Variants in FKBP5 observed in about 807,000 individuals in gnomAD.
The protein encoded by FKBP5 is FKBP prolyl isomerase 5.
In FKBP5, 23 loss-of-function variants were observed where a neutral mutation model predicts 50.5. The ratio of observed to expected loss-of-function variants is 0.46; its 90% confidence interval spans 0.33 to 0.65. The LOEUF (loss-of-function observed/expected upper bound fraction) is 0.65, where lower values mean the gene tolerates loss of function less well. Among genes scored for constraint, FKBP5 ranks in the 30% least tolerant of loss-of-function variants. The probability of loss-of-function intolerance (pLI) is 0.02; values close to 1 mark genes in which losing one functional copy is unlikely to be tolerated. For synonymous variants in FKBP5, 176 were observed against 190.6 expected, an observed-to-expected ratio of 0.92 and a Z score of 0.63; for missense variants, 411 against 553.1, an observed-to-expected ratio of 0.74 and a Z score of 2.58.
rs34301531 is a variant in FKBP5 at position 35,615,155 on chromosome 6, T to TACACACACACACACACAC, written c.508+3923_508+3940dup. ...CAACAACAACAACAACAACAACAACTACACACACACACACACACACACACA... is the reference window on the plus strand; with the variant it reads ...CAACAACAACAACAACAACAACAACTACACACACACACACACACACACACACACACACACACACACACA... On this transcript the variant is annotated intron_variant, in intron 5 of 10. Coordinates refer to ENST00000357266, the MANE Select transcript of FKBP5 (RefSeq NM_004117.4). 5.6e-5 allele frequency among the ~76,000 whole-genome samples: 8 copies of TACACACACACACACACAC among 143,542 alleles called. No homozygotes were observed. The East Asian group carries it at 6.2e-4, about 11-fold the overall frequency. The allele number at this position is 143,542 out of a possible 152,430, so 94.2% of individuals were successfully genotyped here.
intron 1 of FKBP5, among the ~76,000 whole-genome samples, chr6:35,681,144 T>G (rs887104605): frequency 2.0e-5 from 3 of 152,248 alleles, no homozygotes; most frequent in Non-Finnish European, 4.4e-5. Flanking sequence ...CATCCTCATT[T>G]TCAACACTTT....
At chr6:35,631,191 C>A (rs1764142236) in intron 3 of FKBP5, among the ~76,000 whole-genome samples, 1 of 152,082 alleles carries the variant, frequency 6.6e-6, no homozygotes, top group Non-Finnish European at 1.5e-5. Context: ...CTGAATAGCC[C>A]CAAATTGCAA....
chr6:35,580,471 G>T, intron 8 of FKBP5: 1 of 331,220 alleles, frequency 3.0e-6, no homozygotes, highest in East Asian at 4.8e-5. Flanking sequence ...CCCTTCAGCA[G>T]GTGTAGTACA....
intron 3 of FKBP5, among the ~76,000 whole-genome samples, chr6:35,633,716 T>C (rs961960505): frequency 6.6e-6 from 1 of 152,134 alleles, no homozygotes; most frequent in East Asian, 1.9e-4. Context: ...AAGGGTCTCT[T>C]TGTGTTGGTA....
intron 1 of FKBP5, among the ~76,000 whole-genome samples, chr6:35,650,577 G>A (rs915059093): frequency 6.6e-6 from 1 of 152,048 alleles, no homozygotes; most frequent in Non-Finnish European, 1.5e-5. Flanking sequence ...AGGTTCAAAT[G>A]ATACTCCTGC....
chr6:35,614,974 A>G (rs1763599693), intron 5 of FKBP5, among the ~76,000 whole-genome samples: 1 of 151,950 alleles, frequency 6.6e-6, no homozygotes. Context: ...AATACAAAAA[A>G]TAGCTGGGCG....
At chr6:35,726,880 A>G (rs1337659917) in intron 1 of FKBP5, among the ~76,000 whole-genome samples, 1 of 152,176 alleles carries the variant, frequency 6.6e-6, no homozygotes, top group East Asian at 1.9e-4. Context: ...CTCAAAGAAG[A>G]AGCAGACTTT....
intron 5 of FKBP5, among the ~76,000 whole-genome samples, chr6:35,607,080 G>A (rs552996195): frequency 6.6e-6 from 1 of 152,248 alleles, no homozygotes; most frequent in South Asian, 2.1e-4. Context: ...TGGGACTACA[G>A]GCGCCCACCA....
At chr6:35,671,894 A>T (rs1387914982) in intron 1 of FKBP5, among the ~76,000 whole-genome samples, 8 of 151,310 alleles carry the variant, frequency 5.3e-5, no homozygotes, top group Non-Finnish European at 1.0e-4. Context: ...TTTGAGACGG[A>T]GTCTCACTCT....
intron 2 of FKBP5, among the ~76,000 whole-genome samples, chr6:35,705,640 T>C (rs905802276): frequency 4.6e-5 from 7 of 152,224 alleles, no homozygotes; most frequent in Non-Finnish European, 8.8e-5. Context: ...CCTATGGACA[T>C]TTCAGAGCAG....
intron 2 of FKBP5, among the ~76,000 whole-genome samples, chr6:35,714,830 A>AT (rs1311780474): frequency 6.6e-6 from 1 of 151,582 alleles, no homozygotes; most frequent in Non-Finnish European, 1.5e-5. Flanking sequence ...AAAAAAAAAA[A>AT]TTCTGTGTTC....
At position 35,634,092 on chromosome 6, in the gene FKBP5, G is replaced by C. The variant is rs574341791; in HGVS notation, c.250+2922C>G. Among the ~76,000 whole-genome samples the C allele has an allele frequency of 8.5e-5, 13 of 152,256 alleles. No individual in the cohort carries two copies. In the South Asian group the frequency reaches 2.5e-3, roughly 29 times the overall value. On this transcript the variant is annotated intron_variant, in intron 3 of 10. Coordinates refer to ENST00000357266, the MANE Select transcript of FKBP5 (RefSeq NM_004117.4). ...TTACTGAGAAAATCTCAGTAGAGAA[G>C]ATACCAATATAAATTCTCAACAATT...
At chr6:35,629,579 AG>A (rs1230551888) in intron 3 of FKBP5, among the ~76,000 whole-genome samples, 1 of 152,228 alleles carries the variant, frequency 6.6e-6, no homozygotes, top group African/African-American at 2.4e-5. Context: ...GACAGCCTTA[AG>A]GATCAACTCT....
intron 2 of FKBP5, among the ~76,000 whole-genome samples, chr6:35,708,550 C>T (rs1192939803): frequency 6.7e-6 from 1 of 149,192 alleles, no homozygotes; most frequent in Non-Finnish European, 1.5e-5. Context: ...TTGCGCCTGG[C>T]CTTGTACAAT....
chr6:35,695,759 G>A (rs933335635), intron 2 of FKBP5, among the ~76,000 whole-genome samples: 1 of 152,122 alleles, frequency 6.6e-6, no homozygotes, highest in African/African-American at 2.4e-5. Context: ...ATTTATGATA[G>A]CATCAAAAAG....
chr6:35,712,430 G>A lies in FKBP5; in HGVS notation c.-20+7898C>T, dbSNP rs115585244. ...CAGAAGGGGGTAAGGAGGGTAAGGGGTGGTAGGTATCTTCCAGGGAGATAT... is the reference window on the plus strand; with the variant it reads ...CAGAAGGGGGTAAGGAGGGTAAGGGATGGTAGGTATCTTCCAGGGAGATAT... On this transcript the variant is annotated intron_variant, in intron 2 of 11. Transcript: ENST00000536438. Among the ~76,000 whole-genome samples, 694 of 152,212 alleles carry A rather than the reference G, an allele frequency of 4.6e-3. 5 individuals carry two copies. The highest frequency in any genetic ancestry group is 0.015 in the African/African-American group (609 of 41,518).
At chr6:35,654,430 G>A (rs2092427) in intron 1 of FKBP5, among the ~76,000 whole-genome samples, 13,440 of 152,102 alleles carry the variant, frequency 0.088, 1,213 homozygotes, top group African/African-American at 0.24. Flanking sequence ...AAGTCAGCAA[G>A]ACTATGATGG....
intron 2 of FKBP5, among the ~76,000 whole-genome samples, chr6:35,640,587 T>A (rs909497852): frequency 2.0e-5 from 3 of 152,204 alleles, no homozygotes; most frequent in East Asian, 3.8e-4. Flanking sequence ...CTTTCTTTAA[T>A]AATAAATCAA....
intron 1 of FKBP5, among the ~76,000 whole-genome samples, chr6:35,663,895 C>T (rs1765143414): frequency 6.6e-5 from 10 of 152,206 alleles, no homozygotes; most frequent in Admixed American, 6.5e-4. Context: ...TGATGGATCT[C>T]TTCAATAACC....
Sources: allele counts gnomAD v4.1 joint callset (sites outside exome capture counted in the v4.1 genomes callset), GRCh38; gene constraint gnomAD v4.1.1; transcripts MANE v1.5; gene names NCBI Gene and HGNC (gene_info 2026-07-23, HGNC 2026-07-21).